The following IQCK variants were observed in gnomAD, a reference collection of about 807,000 sequenced individuals.
The protein encoded by IQCK is IQ domain-containing protein K.
Under a neutral mutation model 28.1 loss-of-function variants are expected in IQCK, and 29 were observed. That is an observed-to-expected ratio of 1.03 (90% CI 0.77 to 1.41). The LOEUF is 1.41. Among genes scored for constraint, IQCK ranks in the 40% most tolerant of loss-of-function variants. The probability of loss-of-function intolerance (pLI) is 0.00; values close to 1 mark genes in which losing one functional copy is unlikely to be tolerated. For synonymous variants in IQCK, 113 were observed against 115.1 expected (o/e 0.98, Z 0.12); for missense variants, 359 against 314.7 (o/e 1.14, Z -1.07).
At chr16:19,721,360 T>C (rs1223383029) in intron 1 of IQCK, among the ~76,000 whole-genome samples, 1 of 152,326 alleles carries the variant, frequency 6.6e-6, no homozygotes, top group East Asian at 1.9e-4. Context: ...AGTGCTCTTT[T>C]GTATGTATGT....
intron 4 of IQCK, chr16:19,761,679 C>G (rs567993778): frequency 1.1e-5 from 3 of 281,832 alleles, no homozygotes; most frequent in Admixed American, 4.7e-5. Flanking sequence ...GACAGGATAT[C>G]TGGTGCTCCA....
At position 19,731,491 on chromosome 16, in the gene IQCK, C is replaced by T. The variant is rs550867755; in HGVS notation, c.246+997C>T. Among the ~76,000 whole-genome samples, 7 of 152,254 alleles carry T rather than the reference C, an allele frequency of 4.6e-5. No homozygotes were observed. In the East Asian group the frequency reaches 9.6e-4, roughly 21 times the overall value. The stretch of plus-strand genomic sequence containing the variant: ...TAGCATCCTGTTCTTGCTTTATGGA[C>T]GCAATTCTTTCTCAAATTTCTCTGC... On this transcript the variant is annotated intron_variant, in intron 2 of 7. Coordinates refer to ENST00000564186, the Ensembl canonical transcript of IQCK.
chr16:19,799,247 A>G (rs1048600668), intron 7 of IQCK, among the ~76,000 whole-genome samples: 2 of 104,624 alleles, frequency 1.9e-5, no homozygotes, highest in Non-Finnish European at 1.7e-5. Flanking sequence ...TAATTCTTCT[A>G]TGGTATATAT....
At chr16:19,726,248 A>G (rs182797298) in intron 1 of IQCK, among the ~76,000 whole-genome samples, 3 of 152,338 alleles carry the variant, frequency 2.0e-5, no homozygotes, top group African/African-American at 7.2e-5. Context: ...GAAAAATATG[A>G]TAGCAAGTAA....
At chr16:19,719,269 CG>C (rs768513014) in intron 1 of IQCK, among the ~76,000 whole-genome samples, 15 of 152,004 alleles carry the variant, frequency 9.9e-5, no homozygotes, top group Admixed American at 3.3e-4. Context: ...GCTACGTAAG[CG>C]CTAGTTCTTA....
At chr16:19,826,928 C>A in intron 7 of IQCK, 98 bp from the exon 8 acceptor site, 1 of 766,254 alleles carries the variant, frequency 1.3e-6, no homozygotes, top group Non-Finnish European at 2.3e-6. Flanking sequence ...ATCAAAAGTA[C>A]ATCCAACTGG....
intron 7 of IQCK, among the ~76,000 whole-genome samples, chr16:19,813,578 A>G (rs757721204): frequency 3.9e-5 from 6 of 152,228 alleles, no homozygotes; most frequent in Non-Finnish European, 5.9e-5. Context: ...ACCATTCAAG[A>G]GCAAGGGCTA....
rs991218541 is a variant in IQCK, at chr16:19,827,130, A to G, written c.795A>G (p.Glu265=). The G allele has an allele frequency of 2.5e-6, 4 of 1,609,514 alleles. No individual in the cohort carries two copies. In the African/African-American group the frequency reaches 5.3e-5, roughly 22 times the overall value. Residue 265 remains glutamate (E), a synonymous_variant, in exon 8 of 8, where the codon GAA becomes GAG. Coordinates refer to ENST00000564186, the Ensembl canonical transcript of IQCK. ...TCAAAATTTTCTGGGCCAAGCAAGA[A>G]CAAAAAGGTAAGTTGCTGGATTCAC...
At chr16:19,754,629 TTC>T (rs1340544518) in intron 4 of IQCK, among the ~76,000 whole-genome samples, 1 of 125,286 alleles carries the variant, frequency 8.0e-6, no homozygotes, top group African/African-American at 5.2e-5. Context: ...CAGAATTTTT[TTC>T]TCTTTCTTTT....
At chr16:19,749,853 G>A (rs1311573540) in intron 4 of IQCK, among the ~76,000 whole-genome samples, 1 of 152,114 alleles carries the variant, frequency 6.6e-6, no homozygotes, top group African/African-American at 2.4e-5. Context: ...AGTCATAGCT[G>A]TTATGTGGGA....
intron 4 of IQCK, among the ~76,000 whole-genome samples, chr16:19,738,987 G>A (rs1333324217): frequency 6.6e-6 from 1 of 152,058 alleles, no homozygotes; most frequent in African/African-American, 2.4e-5. Flanking sequence ...TCACCCTCTG[G>A]GAACCCCCTC....
At chr16:19,730,708 T>TC (rs1253596862) in intron 2 of IQCK, among the ~76,000 whole-genome samples, 11 of 137,900 alleles carry the variant, frequency 8.0e-5, no homozygotes, top group African/African-American at 3.0e-4. Context: ...AGTTTCGGCG[T>TC]TTGTCTGTCT....
At chr16:19,846,892 G>A (rs187618617) in intron 9 of IQCK, among the ~76,000 whole-genome samples, 6 of 151,500 alleles carry the variant, frequency 4.0e-5, no homozygotes, top group African/African-American at 9.7e-5. Context: ...ATAAAATCTC[G>A]GTAATATATA....
At chr16:19,741,632 C>T (rs1185228124) in intron 4 of IQCK, among the ~76,000 whole-genome samples, 1 of 152,068 alleles carries the variant, frequency 6.6e-6, no homozygotes, top group Non-Finnish European at 1.5e-5. Flanking sequence ...TTGAACAGAG[C>T]ATTAAAGTTT....
intron 6 of IQCK, among the ~76,000 whole-genome samples, chr16:19,783,662 A>G: frequency 6.6e-6 from 1 of 152,146 alleles, no homozygotes; most frequent in Admixed American, 6.6e-5. Flanking sequence ...GATAATTCCC[A>G]GGACTACTCT....
downstream of IQCK, among the ~76,000 whole-genome samples, chr16:19,827,902 A>T (rs1162053315): frequency 6.6e-6 from 1 of 151,518 alleles, no homozygotes; most frequent in Non-Finnish European, 1.5e-5. Context: ...CCATAATTTC[A>T]TGAGCCGATA....
chr16:19,742,036 G>T (rs780196318), intron 4 of IQCK, among the ~76,000 whole-genome samples: 27 of 152,130 alleles, frequency 1.8e-4, no homozygotes, highest in Non-Finnish European at 3.7e-4. Context: ...GAGTGGAGAA[G>T]CTTGAAAGGC....
exon 10 of IQCK, chr16:19,858,324 G>A (rs899559559): frequency 6.8e-6 from 3 of 442,084 alleles, no homozygotes; most frequent in Non-Finnish European, 8.0e-6. Context: ...GATTTAAAAG[G>A]GGGGAAAAAG....
intron 7 of IQCK, among the ~76,000 whole-genome samples, chr16:19,797,626 A>AC (rs1475827826): frequency 2.3e-5 from 3 of 128,356 alleles, no homozygotes; most frequent in African/African-American, 1.0e-4. Flanking sequence ...AAAAAAAAAA[A>AC]AAACAAAAAA....
Sources: gnomAD v4.1 joint callset for allele counts (sites outside exome capture counted in the v4.1 genomes callset) on GRCh38, gnomAD v4.1.1 for gene constraint, MANE v1.5 for transcripts, NCBI Gene and HGNC (gene_info 2026-07-23, HGNC 2026-07-21) for gene names.